EVC: variants seen among roughly 807,000 people sequenced by gnomAD.
The protein encoded by EVC is EvC ciliary complex subunit 1.
A neutral mutation model predicts 118.9 loss-of-function variants in EVC; 116 were observed. The observed-to-expected ratio is 0.98, with a 90% CI of 0.84 to 1.14. EVC has a LOEUF of 1.14. Ranked by LOEUF, EVC falls within the 50% of genes most tolerant of loss-of-function variation. EVC has a pLI of 0.00. For missense variants in EVC, 1,401 were observed against 1,246.4 expected, an observed-to-expected ratio of 1.12 and a Z score of -1.87; for synonymous variants, 619 against 534.7, an observed-to-expected ratio of 1.16 and a Z score of -2.18.
chr4:5,712,345 C>G (rs1723181362), intron 1 of EVC, among the ~76,000 whole-genome samples: 1 of 152,208 alleles, frequency 6.6e-6, no homozygotes, highest in African/African-American at 2.4e-5. Context: ...ACAGAAGTGT[C>G]TAACCCCAAA....
intron 1 of EVC, among the ~76,000 whole-genome samples, chr4:5,713,542 T>C (rs1577305338): frequency 6.6e-6 from 1 of 152,174 alleles, no homozygotes; most frequent in East Asian, 1.9e-4. Context: ...GCTGGCATAG[T>C]GGCAGGAGCC....
intron 11 of EVC, among the ~76,000 whole-genome samples, chr4:5,771,496 A>G (rs1349851046): frequency 6.6e-6 from 1 of 152,140 alleles, no homozygotes; most frequent in Non-Finnish European, 1.5e-5. Context: ...AAGTCTCTTT[A>G]CCATGTAAAG....
At chr4:5,800,297 A>G (rs1401371595) in intron 15 of EVC, among the ~76,000 whole-genome samples, 5 of 152,208 alleles carry the variant, frequency 3.3e-5, no homozygotes, top group African/African-American at 1.2e-4. Flanking sequence ...GTGAGCCAAG[A>G]TCACACCACT....
Position 5,726,358 on chromosome 4 carries a change from A to T in EVC, c.301-2949A>T, listed in dbSNP as rs552555189. ...CTATCCGGTTGTTTCCAAAGCATTGATTCAGCACTGACTTTACAAAGTGCA... is the reference window on the plus strand; with the variant it reads ...CTATCCGGTTGTTTCCAAAGCATTGTTTCAGCACTGACTTTACAAAGTGCA... On this transcript the variant is annotated intron_variant, in intron 2 of 20. Coordinates refer to ENST00000264956, the MANE Select transcript of EVC (RefSeq NM_153717.3). Among the ~76,000 whole-genome samples, 5 of 152,288 alleles carry T rather than the reference A, an allele frequency of 3.3e-5. No individual in the cohort carries two copies. The East Asian group carries it at 9.6e-4, about 29-fold the overall frequency.
At chr4:5,769,243 A>C (rs963751411) in intron 11 of EVC, among the ~76,000 whole-genome samples, 1 of 152,150 alleles carries the variant, frequency 6.6e-6, no homozygotes, top group Non-Finnish European at 1.5e-5. Flanking sequence ...GAGCATGTGC[A>C]GGGGAACTCC....
Position 5,731,875 on chromosome 4 carries a change from C to T in EVC, c.617+218C>T, listed in dbSNP as rs192070407. On this transcript the variant is annotated intron_variant, in intron 4 of 20. Transcript: ENST00000264956. This position sits in a 1 kb window ranked among gnomAD's most constrained non-coding sequence, Gnocchi z 5.6. ...GGGTTATGGAGTCAGGCCTGAGCCC[C>T]GGGGAGAGATGACAGGGAGGCCTCA... is the stretch of plus-strand genomic sequence containing the variant. 9.9e-5 allele frequency among the ~76,000 whole-genome samples: 15 copies of T among 152,200 alleles called. No homozygotes were observed. In the East Asian group the frequency reaches 2.1e-3, roughly 22 times the overall value.
the EVC span, chr4:5,828,179 T>C: frequency 2.0e-6 from 2 of 985,250 alleles, no homozygotes; most frequent in Non-Finnish European, 2.4e-6. Flanking sequence ...TGGGCAGGAT[T>C]ACTTAAGATG....
At chr4:5,752,752 G>A (rs768206596) in intron 8 of EVC, 84 bp from the exon 9 acceptor site, 2 of 1,369,782 alleles carry the variant, frequency 1.5e-6, no homozygotes, top group Admixed American at 1.7e-5. Flanking sequence ...AATGACCCTG[G>A]TGGCTTCTTC....
chr4:5,767,058 GT>G (rs1157196713), intron 11 of EVC, among the ~76,000 whole-genome samples: 1 of 149,400 alleles, frequency 6.7e-6, no homozygotes, highest in Admixed American at 6.7e-5. Context: ...TTTGACGATG[GT>G]GATGTACAGA....
the EVC span, among the ~76,000 whole-genome samples, chr4:5,819,987 G>T: frequency 6.6e-6 from 1 of 152,168 alleles, no homozygotes; most frequent in African/African-American, 2.4e-5. Context: ...AAAGCCATCT[G>T]CCTCAAATGC....
At chr4:5,819,149 AG>A (rs1277818398), downstream of EVC, among the ~76,000 whole-genome samples, 1 of 152,208 alleles carries the variant, frequency 6.6e-6, no homozygotes, top group African/African-American at 2.4e-5. Flanking sequence ...GATTATTGAG[AG>A]ATGGCTCAGA....
At position 5,810,798 on chromosome 4, in the gene EVC, C is replaced by T. The variant is rs1302692672; in HGVS notation, c.2895-155C>T. On this transcript the variant is annotated intron_variant, in intron 20 of 20. Transcript: ENST00000264956. ...ATGACCTCCTACCCAAGGAGGGAAACGGGTTTTATTGGTTTCTTAACAACC... is the reference window on the plus strand; with the variant it reads ...ATGACCTCCTACCCAAGGAGGGAAATGGGTTTTATTGGTTTCTTAACAACC... Among the ~76,000 whole-genome samples, 10 of 152,038 alleles carry T rather than the reference C, an allele frequency of 6.6e-5. 1 individual carries two copies. The highest frequency in any genetic ancestry group is 2.0e-4 in the Admixed American group (3 of 15,270).
chr4:5,756,227 A>T lies in EVC; in HGVS notation c.1465-37A>T. On this transcript the variant is annotated intron_variant, in intron 10 of 20. Transcript: ENST00000264956. This position sits in a 1 kb window ranked among gnomAD's most constrained non-coding sequence, Gnocchi z 4.2. ...CTGGAAAAAAAAAAAAAAACCCTGC[A>T]TGTTTCTACCAGACTCAGCTCTTGT... is the stretch of plus-strand genomic sequence containing the variant. 1.3e-6 allele frequency: 2 copies of T among 1,482,430 alleles called. No homozygotes were observed. The highest frequency in any genetic ancestry group is 1.2e-5 in the South Asian group (1 of 84,038). The allele number at this position is 1,482,430 out of a possible 1,614,324, so 91.8% of individuals were successfully genotyped here. A position where few individuals can be genotyped will look rare whatever the true frequency, so the allele number is the denominator to read the frequency against.
Position 5,797,026 on chromosome 4 carries a change from A to C in EVC, c.1891A>C (p.Thr631Pro), listed in dbSNP as rs374566317. The C allele has an allele frequency of 2.5e-6, 4 of 1,612,426 alleles. No homozygotes were observed. Among genetic ancestry groups the C allele is most frequent in the Non-Finnish European group, 3.4e-6 (4 of 1,179,350 alleles). ...GRLGGLTEES[T>P]RCVLQGHDLL... ...CCTCACCTGCTTTCCTCAAAGGTCCACGCGGTGTGTCCTGCAGGGGCATGA... is the reference window on the plus strand; with the variant it reads ...CCTCACCTGCTTTCCTCAAAGGTCCCCGCGGTGTGTCCTGCAGGGGCATGA... The change falls in exon 14 of 21, where the codon ACG becomes CCG. Residue 631 changes from threonine (T) to proline (P), a missense_variant. Transcript: ENST00000264956.
intron 7 of EVC, among the ~76,000 whole-genome samples, chr4:5,745,678 C>T (rs1350804886): frequency 6.6e-6 from 1 of 152,188 alleles, no homozygotes; most frequent in Non-Finnish European, 1.5e-5. Context: ...AGGCATCACT[C>T]GTGAAAGCAA....
intron 4 of EVC, among the ~76,000 whole-genome samples, chr4:5,732,586 C>T (rs535431407): frequency 8.0e-4 from 122 of 152,364 alleles, no homozygotes; most frequent in African/African-American, 2.8e-3. Context: ...GTATCTGCCC[C>T]CGTTGACCCT....
intron 4 of EVC, among the ~76,000 whole-genome samples, chr4:5,732,753 G>C (rs1283561015): frequency 6.6e-6 from 1 of 152,320 alleles, no homozygotes; most frequent in Admixed American, 6.5e-5. Flanking sequence ...GCTCATGCCT[G>C]TAATCCCAAC....
intron 1 of EVC, among the ~76,000 whole-genome samples, chr4:5,714,080 C>G (rs1429653567): frequency 6.6e-6 from 1 of 152,220 alleles, no homozygotes; most frequent in Non-Finnish European, 1.5e-5. Context: ...TTCTGCACAT[C>G]TGTTCTCTCC....
chr4:5,724,086 C>G (rs950336828), intron 2 of EVC, among the ~76,000 whole-genome samples: 2 of 152,184 alleles, frequency 1.3e-5, no homozygotes, highest in Non-Finnish European at 2.9e-5. Context: ...ATCCTCAGTT[C>G]GCAGCACCAT....
Sources: gnomAD v4.1 joint callset for allele counts (sites outside exome capture counted in the v4.1 genomes callset) on GRCh38, gnomAD v4.1.1 for gene constraint, Gnocchi (gnomAD v3.1) non-coding constraint, MANE v1.5 for transcripts, NCBI Gene and HGNC (gene_info 2026-07-23, HGNC 2026-07-21) for gene names.